The following TMEM50B variants were observed in gnomAD, a reference collection of about 807,000 sequenced individuals.
TMEM50B encodes HCV p7-trans-regulated protein 3.
A neutral mutation model predicts 23.4 loss-of-function variants in TMEM50B; 14 were observed. The observed-to-expected ratio is 0.60, with a 90% CI of 0.39 to 0.93. The LOEUF is 0.93. TMEM50B is among the 40% of genes least tolerant of loss of function. TMEM50B has a pLI of 0.00. For synonymous variants in TMEM50B, 64 were observed against 62.3 expected (o/e 1.03, Z -0.13); for missense variants, 159 against 193.0 (o/e 0.82, Z 1.04).
intron 2 of TMEM50B, chr21:33,468,435 T>G (rs540980109): frequency 7.3e-4 from 139 of 189,876 alleles, no homozygotes; most frequent in African/African-American, 3.0e-3. Flanking sequence ...TTGTCTGACC[T>G]TCAATAAGTC....
chr21:33,465,082 G>C (rs768507476), intron 4 of TMEM50B: 8 of 361,922 alleles, frequency 2.2e-5, no homozygotes, highest in Non-Finnish European at 3.5e-5. Context: ...TCCATCATTA[G>C]CACTGGAGTC....
chr21:33,440,775 A>G (rs952907793), intron 7 of TMEM50B, among the ~76,000 whole-genome samples: 2 of 151,892 alleles, frequency 1.3e-5, no homozygotes, highest in Non-Finnish European at 2.9e-5. Context: ...CCAGCTACTC[A>G]GGAGGCTGAG....
intron 6 of TMEM50B, 36 bp from the exon 7 acceptor site, chr21:33,450,899 C>A (rs934350852): frequency 3.2e-6 from 5 of 1,570,552 alleles, no homozygotes; most frequent in East Asian, 2.2e-5. Flanking sequence ...GAGGAAAAAA[C>A]CGATGGAACA....
At chr21:33,438,811 C>T (rs567031239) in intron 8 of TMEM50B, among the ~76,000 whole-genome samples, 4 of 151,794 alleles carry the variant, frequency 2.6e-5, no homozygotes, top group African/African-American at 4.8e-5. Flanking sequence ...CTCGCTGCAA[C>T]CTCCACCTCC....
chr21:33,462,705 T>C (rs1031613248), intron 4 of TMEM50B, among the ~76,000 whole-genome samples: 1 of 152,106 alleles, frequency 6.6e-6, no homozygotes, highest in African/African-American at 2.4e-5. Flanking sequence ...TTCACAGCAA[T>C]GTCCGTGGAA....
chr21:33,466,619 C>T (rs2084266608), intron 3 of TMEM50B, among the ~76,000 whole-genome samples: 1 of 152,002 alleles, frequency 6.6e-6, no homozygotes, highest in African/African-American at 2.4e-5. Flanking sequence ...TAAGATACAC[C>T]ATTAATTTTT....
chr21:33,437,014 G>A (rs895571365), intron 8 of TMEM50B: 11 of 1,598,580 alleles, frequency 6.9e-6, no homozygotes, highest in African/African-American at 1.3e-5. Flanking sequence ...CAAGCCATCG[G>A]AGCTGCTAGA....
intron 1 of TMEM50B, among the ~76,000 whole-genome samples, chr21:33,475,489 G>A (rs2084361188): frequency 6.6e-6 from 1 of 151,964 alleles, no homozygotes; most frequent in African/African-American, 2.4e-5. Context: ...TGGGATTACA[G>A]GGGCCCATCA....
downstream of TMEM50B, among the ~76,000 whole-genome samples, chr21:33,448,450 C>A (rs775699823): frequency 6.6e-6 from 1 of 151,986 alleles, no homozygotes; most frequent in African/African-American, 2.4e-5. Flanking sequence ...TCACCCAGAA[C>A]AGCATAGTGA....
At chr21:33,434,259 C>A (rs753294501) in intron 8 of TMEM50B, among the ~76,000 whole-genome samples, 1 of 152,202 alleles carries the variant, frequency 6.6e-6, no homozygotes, top group Admixed American at 6.5e-5. Context: ...CAGTGACCCA[C>A]ACCTGTAATC....
At chr21:33,464,714 G>C (rs2084248555) in intron 4 of TMEM50B, among the ~76,000 whole-genome samples, 1 of 148,990 alleles carries the variant, frequency 6.7e-6, no homozygotes, top group Non-Finnish European at 1.5e-5. Flanking sequence ...TGAGGCAGGA[G>C]AATTGCTTGA....
chr21:33,470,700 T>C (rs1445728127), intron 1 of TMEM50B, among the ~76,000 whole-genome samples: 1 of 151,960 alleles, frequency 6.6e-6, no homozygotes, highest in Non-Finnish European at 1.5e-5. Flanking sequence ...CCCTCCAGCC[T>C]GGGCAACAGA....
chr21:33,467,167 G>A (rs1340734557), intron 2 of TMEM50B, 45 bp from the exon 3 acceptor site: 1 of 1,471,152 alleles, frequency 6.8e-7, no homozygotes, highest in Admixed American at 1.7e-5. Context: ...ACTCTTGCTA[G>A]CACAATACCT....
At chr21:33,457,576 G>A (rs1023844150) in intron 5 of TMEM50B, among the ~76,000 whole-genome samples, 8 of 150,978 alleles carry the variant, frequency 5.3e-5, no homozygotes, top group African/African-American at 9.8e-5. Context: ...GCTTGAACCC[G>A]GGAGGCAGAG....
intron 8 of TMEM50B, chr21:33,436,784 G>C: frequency 1.3e-6 from 2 of 1,568,678 alleles, no homozygotes; most frequent in South Asian, 2.2e-5. Flanking sequence ...CTGGTATACT[G>C]AACTGGTAAA....
intron 1 of TMEM50B, chr21:33,478,721 A>T (rs2084397639): frequency 2.2e-6 from 1 of 463,770 alleles, no homozygotes; most frequent in Admixed American, 2.5e-5. Flanking sequence ...TTTGCATTTC[A>T]ATAACAAAGT....
In TMEM50B at chr21:33,464,438, G is replaced by A. The variant is rs1010026649; in HGVS notation, c.280+904C>T. Among the ~76,000 whole-genome samples the A allele has an allele frequency of 6.7e-5, 10 of 150,122 alleles. No homozygotes were observed. In the East Asian group the frequency reaches 2.0e-3, roughly 30 times the overall value. ...TGGTCTCGAACTCCTGACCTTAGGTGTTCCACCCGTCTCAGCCTCCCAAAG... is the reference window on the plus strand; with the variant it reads ...TGGTCTCGAACTCCTGACCTTAGGTATTCCACCCGTCTCAGCCTCCCAAAG... On this transcript the variant is annotated intron_variant, in intron 4 of 6. Coordinates refer to ENST00000542230, the MANE Select transcript of TMEM50B (RefSeq NM_006134.7).
chr21:33,465,271 AAG>A, intron 4 of TMEM50B, 69 bp downstream of exon 4: 4 of 1,153,790 alleles, frequency 3.5e-6, no homozygotes, highest in Non-Finnish European at 5.2e-6. Context: ...AAAGACTCAC[AAG>A]AGAGGCTTTT....
rs367708545 is a variant in TMEM50B, at chr21:33,449,972, C to A, written c.*846G>T. ...CACATAAAGTCATATTAGAGGAATT[C>A]TTTTTAAAAGAAGCTTTCAAACTAG... On this transcript the variant is annotated 3_prime_UTR_variant, in exon 7 of 7. Transcript: ENST00000542230. The A allele has an allele frequency of 6.6e-6, 1 of 152,522 alleles. No homozygotes were observed. Among genetic ancestry groups the A allele is most frequent in the African/African-American group, 2.4e-5 (1 of 41,428 alleles). 9.4% of individuals were successfully genotyped at this position (152,522 alleles called of 1,614,324 possible). A position where few individuals can be genotyped will look rare whatever the true frequency, so the allele number is the denominator to read the frequency against.
Sources: allele counts gnomAD v4.1 joint callset (sites outside exome capture counted in the v4.1 genomes callset), GRCh38; gene constraint gnomAD v4.1.1; transcripts MANE v1.5; gene names NCBI Gene and HGNC (gene_info 2026-07-23, HGNC 2026-07-21).